The following LINGO2 variants were observed in gnomAD, a reference collection of about 807,000 sequenced individuals.
LINGO2 encodes the protein leucine-rich repeat and immunoglobulin-like domain-containing nogo receptor-interacting protein 2.
LINGO2 carries 14 observed loss-of-function variants against 30.6 expected under a neutral mutation model. The ratio of observed to expected loss-of-function variants is 0.46; its 90% CI spans 0.30 to 0.72. The LOEUF is 0.72. Among genes scored for constraint, LINGO2 ranks in the 30% least tolerant of loss-of-function variants. The probability of loss-of-function intolerance (pLI) is 0.07; values close to 1 mark genes in which losing one functional copy is unlikely to be tolerated. For synonymous variants in LINGO2, 317 were observed against 288.5 expected, an observed-to-expected ratio of 1.10 and a Z score of -1.00; for missense variants, 729 against 751.7, an observed-to-expected ratio of 0.97 and a Z score of 0.35.
At chr9:27,951,849 C>T (rs780549289) in intron 5 of LINGO2, among the ~76,000 whole-genome samples, 40 of 151,262 alleles carry the variant, frequency 2.6e-4, no homozygotes, top group Non-Finnish European at 5.4e-4. Context: ...TATCCGATTA[C>T]AGTATTTACA....
chr9:28,838,792 G>A, the LINGO2 span, among the ~76,000 whole-genome samples: 1 of 152,192 alleles, frequency 6.6e-6, no homozygotes. Context: ...TGGCGGGGCA[G>A]GCTACACTTG....
the LINGO2 span, among the ~76,000 whole-genome samples, chr9:28,787,355 C>G: frequency 6.6e-6 from 1 of 152,112 alleles, no homozygotes; most frequent in Non-Finnish European, 1.5e-5. Context: ...ATAACTGTAT[C>G]TATACCAATC....
the LINGO2 span, among the ~76,000 whole-genome samples, chr9:29,030,089 C>T: frequency 6.6e-6 from 1 of 151,922 alleles, no homozygotes. Context: ...GCTGGGTGTT[C>T]TATAGAATGA....
chr9:29,181,278 A>C, the LINGO2 span, among the ~76,000 whole-genome samples: 1 of 152,200 alleles, frequency 6.6e-6, no homozygotes, highest in Non-Finnish European at 1.5e-5. Flanking sequence ...AGTTACTATG[A>C]AAATCACCAA....
the LINGO2 span, among the ~76,000 whole-genome samples, chr9:29,037,653 T>C: frequency 6.6e-6 from 1 of 151,998 alleles, no homozygotes; most frequent in Non-Finnish European, 1.5e-5. Flanking sequence ...CCAAACTGTC[T>C]AATGTACTGT....
the LINGO2 span, among the ~76,000 whole-genome samples, chr9:28,936,112 C>A: frequency 1.3e-5 from 2 of 152,040 alleles, no homozygotes; most frequent in Admixed American, 1.3e-4. Flanking sequence ...TATTCACAAA[C>A]AAATTTTCAC....
the LINGO2 span, among the ~76,000 whole-genome samples, chr9:28,994,555 C>T: frequency 6.5e-3 from 983 of 151,078 alleles, 3 homozygotes; most frequent in Non-Finnish European, 9.2e-3. Context: ...GAGCCTGCAT[C>T]GCCAAGTCAA....
the LINGO2 span, among the ~76,000 whole-genome samples, chr9:28,714,761 C>A: frequency 6.6e-6 from 1 of 152,044 alleles, no homozygotes; most frequent in Admixed American, 6.6e-5. Context: ...TGTTGATTCA[C>A]TCTAAAATAA....
chr9:28,479,332 T>A (rs1825843718), intron 1 of LINGO2, among the ~76,000 whole-genome samples: 1 of 151,998 alleles, frequency 6.6e-6, no homozygotes, highest in Admixed American at 6.6e-5. Flanking sequence ...GAAGATATTT[T>A]AGGTAGCCAA....
At chr9:29,124,350 G>C in the LINGO2 span, among the ~76,000 whole-genome samples, 5 of 152,108 alleles carry the variant, frequency 3.3e-5, no homozygotes, top group Non-Finnish European at 7.4e-5. Flanking sequence ...ACACAGGCAT[G>C]GGCAAAGACT....
At chr9:28,872,983 A>G in the LINGO2 span, among the ~76,000 whole-genome samples, 9,165 of 152,264 alleles carry the variant, frequency 0.06, 912 homozygotes, top group African/African-American at 0.21. Context: ...TCAGTTAAAC[A>G]TAATCCATAT....
At chr9:28,557,897 C>CA (rs1189682398) in intron 1 of LINGO2, among the ~76,000 whole-genome samples, 2 of 148,724 alleles carry the variant, frequency 1.3e-5, no homozygotes, top group Non-Finnish European at 3.0e-5. Flanking sequence ...ATCGCAAGGA[C>CA]AAAAAACCAA....
chr9:28,185,489 T>A (rs1319549662), intron 4 of LINGO2, among the ~76,000 whole-genome samples: 4 of 152,092 alleles, frequency 2.6e-5, no homozygotes, highest in Non-Finnish European at 5.9e-5. Context: ...TCATGATATA[T>A]CACACTCAGT....
the LINGO2 span, among the ~76,000 whole-genome samples, chr9:28,744,839 G>T: frequency 6.6e-6 from 1 of 151,636 alleles, no homozygotes; most frequent in Non-Finnish European, 1.5e-5. Context: ...GTTTCATCAT[G>T]TTGGACAGGA....
chr9:28,989,099 T>A, the LINGO2 span, among the ~76,000 whole-genome samples: 783 of 152,290 alleles, frequency 5.1e-3, 5 homozygotes, highest in African/African-American at 0.018. Context: ...ATAATGGATA[T>A]GCTATATTAT....
chr9:28,045,028 C>CGA (rs1326142235), intron 4 of LINGO2, among the ~76,000 whole-genome samples: 1 of 151,770 alleles, frequency 6.6e-6, no homozygotes, highest in Non-Finnish European at 1.5e-5. Flanking sequence ...CCCAGGGGAG[C>CGA]GAGTGTGGGG....
intron 4 of LINGO2, among the ~76,000 whole-genome samples, chr9:28,111,991 G>C (rs1826809964): frequency 7.1e-6 from 1 of 140,868 alleles, no homozygotes; most frequent in East Asian, 2.2e-4. Flanking sequence ...CATGTGCCAT[G>C]CTGGTGCGCT....
At chr9:28,211,245 G>A (rs1026233612) in intron 4 of LINGO2, among the ~76,000 whole-genome samples, 11 of 150,104 alleles carry the variant, frequency 7.3e-5, no homozygotes, top group Admixed American at 2.0e-4. Context: ...GTTTGTAATC[G>A]TGATTTAGAT....
chr9:29,069,635 T>C, the LINGO2 span, among the ~76,000 whole-genome samples: 1 of 151,996 alleles, frequency 6.6e-6, no homozygotes, highest in African/African-American at 2.4e-5. Flanking sequence ...TTCAGCTCCT[T>C]GGTTAATAAT....
Sources: allele counts gnomAD v4.1 joint callset (sites outside exome capture counted in the v4.1 genomes callset), GRCh38; gene constraint gnomAD v4.1.1; transcripts MANE v1.5; gene names NCBI Gene and HGNC (gene_info 2026-07-23, HGNC 2026-07-21).